SPAG16: variants seen among roughly 807,000 people sequenced by gnomAD.
SPAG16 encodes the protein sperm-associated antigen 16 protein.
In SPAG16, 86 loss-of-function variants were observed where a neutral mutation model predicts 80.4. The ratio of observed to expected loss-of-function variants is 1.07; its 90% confidence interval spans 0.90 to 1.28. SPAG16 has a LOEUF of 1.28. SPAG16 is among the 50% of genes most tolerant of loss of function. The pLI, the probability that SPAG16 is intolerant of heterozygous loss-of-function variation, is 0.00. For synonymous variants in SPAG16, 294 were observed against 265.9 expected, an observed-to-expected ratio of 1.11 and a Z score of -1.03; for missense variants, 870 against 765.3, an observed-to-expected ratio of 1.14 and a Z score of -1.61.
chr2:213,668,846 C>T (rs2063711350), intron 10 of SPAG16, among the ~76,000 whole-genome samples: 1 of 152,056 alleles, frequency 6.6e-6, no homozygotes, highest in South Asian at 2.1e-4. Context: ...GACGGGGTTT[C>T]ACTGTGTTAG....
chr2:214,167,520 G>T (rs890929399), intron 15 of SPAG16, among the ~76,000 whole-genome samples: 22 of 152,006 alleles, frequency 1.4e-4, no homozygotes, highest in African/African-American at 5.1e-4. Context: ...CCTGGGGGTG[G>T]TTCCAAACTG....
chr2:213,832,280 G>A (rs1334253110), intron 10 of SPAG16, among the ~76,000 whole-genome samples: 1 of 152,084 alleles, frequency 6.6e-6, no homozygotes, highest in Non-Finnish European at 1.5e-5. Context: ...ACAGGCATGA[G>A]CCACCATGCC....
At chr2:213,535,683 C>T (rs1402382329) in intron 10 of SPAG16, among the ~76,000 whole-genome samples, 1 of 152,040 alleles carries the variant, frequency 6.6e-6, no homozygotes. Flanking sequence ...CAGTTTTTAA[C>T]ATTTATGAGT....
rs191933256 is a variant in SPAG16 at position 213,819,825 on chromosome 2, C to T, written c.1071-42660C>T. On this transcript the variant is annotated intron_variant, in intron 10 of 15. Coordinates refer to ENST00000331683, the MANE Select transcript of SPAG16 (RefSeq NM_024532.5). Reference sequence around the variant, plus strand: ...AGGCTGGAGTGCAATGGCACAATCTCGGCTCACTGCAACCTCTGCCTCCCG... The same window carrying T: ...AGGCTGGAGTGCAATGGCACAATCTTGGCTCACTGCAACCTCTGCCTCCCG... 5.9e-5 allele frequency among the ~76,000 whole-genome samples: 9 copies of T among 151,946 alleles called. No homozygotes were observed. The East Asian group carries it at 1.4e-3, about 23-fold the overall frequency.
Position 213,999,064 on chromosome 2 carries a change from G to A in SPAG16, c.1401-14887G>A, listed in dbSNP as rs147330166. 9.0e-3 allele frequency among the ~76,000 whole-genome samples: 1,374 copies of A among 152,298 alleles called. 22 individuals carry two copies. The highest frequency in any genetic ancestry group is 0.031 in the African/African-American group (1,278 of 41,554). On this transcript the variant is annotated intron_variant, in intron 12 of 15. Transcript: ENST00000331683. Reference sequence around the variant, plus strand: ...TAAAAAAGAAAAACCCATTTTCTGAGGAGAAATTCAAGCCAGCTGCAGAAA... The same window carrying A: ...TAAAAAAGAAAAACCCATTTTCTGAAGAGAAATTCAAGCCAGCTGCAGAAA...
At chr2:214,215,742 C>T (rs906564522) in intron 15 of SPAG16, among the ~76,000 whole-genome samples, 2 of 152,204 alleles carry the variant, frequency 1.3e-5, no homozygotes, top group Non-Finnish European at 2.9e-5. Flanking sequence ...CTTTTGACCT[C>T]TGTTCCTTCT....
At chr2:213,801,436 A>G (rs1038689907) in intron 10 of SPAG16, among the ~76,000 whole-genome samples, 1 of 152,244 alleles carries the variant, frequency 6.6e-6, no homozygotes, top group Non-Finnish European at 1.5e-5. Flanking sequence ...GGAGATTGAC[A>G]GATTGTCCAG....
chr2:214,312,734 T>C (rs1241806009), intron 15 of SPAG16, among the ~76,000 whole-genome samples: 1 of 152,184 alleles, frequency 6.6e-6, no homozygotes, highest in East Asian at 1.9e-4. Context: ...CAGGAGTCTA[T>C]CCTTAGAATA....
intron 15 of SPAG16, among the ~76,000 whole-genome samples, chr2:214,351,094 G>A (rs192683616): frequency 6.6e-6 from 1 of 152,218 alleles, no homozygotes; most frequent in Non-Finnish European, 1.5e-5. Flanking sequence ...GAGGATGTAT[G>A]ATCAATACAC....
At chr2:213,797,510 CAAT>C (rs541414034) in intron 10 of SPAG16, among the ~76,000 whole-genome samples, 135 of 152,258 alleles carry the variant, frequency 8.9e-4, no homozygotes, top group African/African-American at 2.9e-3. Flanking sequence ...GTATACAAGA[CAAT>C]AACATATTGT....
At chr2:213,893,065 G>T (rs563261343) in intron 11 of SPAG16, among the ~76,000 whole-genome samples, 2 of 151,936 alleles carry the variant, frequency 1.3e-5, no homozygotes, top group Non-Finnish European at 2.9e-5. Context: ...AACAGAAAAA[G>T]AAAAGAAGGA....
intron 11 of SPAG16, among the ~76,000 whole-genome samples, chr2:213,917,625 G>A (rs996162113): frequency 1.3e-5 from 2 of 152,146 alleles, no homozygotes; most frequent in East Asian, 3.8e-4. Flanking sequence ...CATCGATTTT[G>A]TATCCTGAGA....
intron 15 of SPAG16, among the ~76,000 whole-genome samples, chr2:214,163,652 A>AG (rs758999747): frequency 3.3e-5 from 5 of 150,646 alleles, no homozygotes; most frequent in East Asian, 1.9e-4. Context: ...AGAGAGAGAG[A>AG]AAGAGAGAGA....
In SPAG16 at chr2:213,297,411, T is replaced by A. The variant is rs149911264; in HGVS notation, c.279+54T>A. 13 of 1,095,340 alleles carry A rather than the reference T, an allele frequency of 1.2e-5. No individual in the cohort carries two copies. In the East Asian group the frequency reaches 3.1e-4, roughly 26 times the overall value. The allele number at this position is 1,095,340 out of a possible 1,614,324, so 67.9% of individuals were successfully genotyped here. Reference sequence around the variant, plus strand: ...TAGTTTAGTGGTAGTGCTTTTTATATGAAGTTTGGAAAGTCTTTTAAATGT... The same window carrying A: ...TAGTTTAGTGGTAGTGCTTTTTATAAGAAGTTTGGAAAGTCTTTTAAATGT... On this transcript the variant is annotated intron_variant, in intron 3 of 15. Coordinates refer to ENST00000331683, the MANE Select transcript of SPAG16 (RefSeq NM_024532.5).
intron 13 of SPAG16, among the ~76,000 whole-genome samples, chr2:214,062,118 C>T (rs768837735): frequency 1.3e-5 from 2 of 151,758 alleles, no homozygotes; most frequent in Non-Finnish European, 2.9e-5. Context: ...CTTAAAGTTA[C>T]ATCAAAAACC....
At chr2:214,260,630 A>C (rs940188073) in intron 15 of SPAG16, among the ~76,000 whole-genome samples, 4 of 152,124 alleles carry the variant, frequency 2.6e-5, no homozygotes, top group Non-Finnish European at 5.9e-5. Context: ...TCTCTCAGCT[A>C]ACTCCTGGGA....
chr2:214,153,014 G>A lies in SPAG16; in HGVS notation c.1720+3748G>A, dbSNP rs192901005. On this transcript the variant is annotated intron_variant, in intron 15 of 15. Transcript: ENST00000331683. ...ATCACAGGGAGATGGTTAGGCCTCC[G>A]GATAACTGCGGGCAAGCCTGACTAG... 1.3e-3 allele frequency among the ~76,000 whole-genome samples: 197 copies of A among 152,188 alleles called. 1 individual carries two copies. Among genetic ancestry groups the A allele is most frequent in the African/African-American group, 4.5e-3 (185 of 41,544 alleles).
At chr2:213,928,615 T>C (rs1419214778) in intron 11 of SPAG16, among the ~76,000 whole-genome samples, 1 of 152,222 alleles carries the variant, frequency 6.6e-6, no homozygotes, top group East Asian at 1.9e-4. Flanking sequence ...AACTTTTTCT[T>C]CTTCATTTAT....
At chr2:214,303,563 A>T (rs1468180191) in intron 15 of SPAG16, among the ~76,000 whole-genome samples, 1 of 152,146 alleles carries the variant, frequency 6.6e-6, no homozygotes, top group African/African-American at 2.4e-5. Context: ...TTTTTCTTTC[A>T]CATTGACCTT....
Sources: gnomAD v4.1 joint callset for allele counts (sites outside exome capture counted in the v4.1 genomes callset) on GRCh38, gnomAD v4.1.1 for gene constraint, MANE v1.5 for transcripts, NCBI Gene and HGNC (gene_info 2026-07-23, HGNC 2026-07-21) for gene names.